Variants in IL1RAPL1 observed in about 807,000 individuals in gnomAD.
IL1RAPL1 encodes interleukin-1 receptor accessory protein-like 1.
A neutral mutation model predicts 48.4 loss-of-function variants in IL1RAPL1; 3 were observed. The ratio of observed to expected loss-of-function variants is 0.06; its 90% CI spans 0.03 to 0.16. The LOEUF is 0.16. IL1RAPL1 is among the 10% of genes least tolerant of loss of function. The pLI, the probability that IL1RAPL1 is intolerant of heterozygous loss-of-function variation, is 1.00. For synonymous variants in IL1RAPL1, 185 were observed against 187.7 expected, an observed-to-expected ratio of 0.99 and a Z score of 0.12; for missense variants, 349 against 530.6, an observed-to-expected ratio of 0.66 and a Z score of 3.36.
intron 1 of IL1RAPL1, among the ~76,000 whole-genome samples, chrX:28,720,258 A>C (rs1479580224): frequency 9.0e-6 from 1 of 111,200 alleles, no homozygotes; most frequent in African/African-American, 3.3e-5. Flanking sequence ...GCTGATGGCC[A>C]TCTCTGAGAT....
At chrX:28,760,633 G>T (rs896505048) in intron 1 of IL1RAPL1, among the ~76,000 whole-genome samples, 2 of 111,570 alleles carry the variant, frequency 1.8e-5, no homozygotes. Flanking sequence ...AAGTAAAAAT[G>T]TCTCTCTTCT....
intron 2 of IL1RAPL1, among the ~76,000 whole-genome samples, chrX:29,122,799 TA>T (rs1928822254): frequency 9.0e-6 from 1 of 110,520 alleles, no homozygotes; most frequent in Non-Finnish European, 1.9e-5. Flanking sequence ...ATTTCTGAAA[TA>T]AATAGTTCTT....
chrX:28,952,887 TAGC>T (rs1267518504), intron 2 of IL1RAPL1, among the ~76,000 whole-genome samples: 6 of 111,578 alleles, frequency 5.4e-5, no homozygotes, highest in Non-Finnish European at 7.6e-5. Flanking sequence ...ACAGACATAT[TAGC>T]AGGATAAAAC....
At chrX:29,777,403 G>A (rs1929223990) in intron 6 of IL1RAPL1, among the ~76,000 whole-genome samples, 1 of 112,031 alleles carries the variant, frequency 8.9e-6, no homozygotes, top group Non-Finnish European at 1.9e-5. Context: ...CTTTGTCATT[G>A]TCTATGTTGA....
At chrX:29,203,449 T>A (rs1930596744) in intron 2 of IL1RAPL1, among the ~76,000 whole-genome samples, 2 of 110,592 alleles carry the variant, frequency 1.8e-5, no homozygotes, top group Admixed American at 9.7e-5. Flanking sequence ...TACAAAAAAA[T>A]TATTTTTGGC....
At chrX:29,646,034 G>T (rs1925314767) in intron 5 of IL1RAPL1, among the ~76,000 whole-genome samples, 1 of 111,753 alleles carries the variant, frequency 8.9e-6, no homozygotes, top group Non-Finnish European at 1.9e-5. Context: ...TGACTACAAG[G>T]ACCAAAAATA....
chrX:29,428,831 C>T, intron 5 of IL1RAPL1, among the ~76,000 whole-genome samples: 1 of 111,576 alleles, frequency 9.0e-6, no homozygotes, highest in South Asian at 3.8e-4. Context: ...AGTTGGTTTA[C>T]CAAACCGTCA....
intron 2 of IL1RAPL1, among the ~76,000 whole-genome samples, chrX:29,086,143 T>C (rs1183246830): frequency 8.9e-6 from 1 of 112,290 alleles, no homozygotes; most frequent in Non-Finnish European, 1.9e-5. Context: ...TGCTAAGATA[T>C]TCATTTGAAG....
chrX:28,921,077 A>C (rs1923604391), intron 2 of IL1RAPL1, among the ~76,000 whole-genome samples: 2 of 111,216 alleles, frequency 1.8e-5, no homozygotes, highest in Admixed American at 1.9e-4. Flanking sequence ...TGAAGAGAAG[A>C]GCAGAAAGCT....
chrX:29,858,186 T>C (rs1480566238), intron 6 of IL1RAPL1, among the ~76,000 whole-genome samples: 1 of 111,720 alleles, frequency 9.0e-6, no homozygotes, highest in Non-Finnish European at 1.9e-5. Context: ...AGAAACACCC[T>C]TCTATGAGAA....
intron 2 of IL1RAPL1, among the ~76,000 whole-genome samples, chrX:29,236,639 G>A (rs1425789888): frequency 1.7e-5 from 1 of 60,334 alleles, no homozygotes; most frequent in Non-Finnish European, 3.1e-5. Context: ...TGCAAGCTCC[G>A]CCTCCTGGGT....
At chrX:29,744,703 AT>A (rs1928289174) in intron 6 of IL1RAPL1, among the ~76,000 whole-genome samples, 1 of 112,355 alleles carries the variant, frequency 8.9e-6, no homozygotes. Context: ...AATTTCAATT[AT>A]ATAATAAATA....
intron 1 of IL1RAPL1, among the ~76,000 whole-genome samples, chrX:28,651,622 T>C (rs1352585731): frequency 5.3e-5 from 6 of 112,525 alleles, no homozygotes; most frequent in Non-Finnish European, 1.9e-5. Context: ...TCTTTCACTA[T>C]GTTATAAAAT....
chrX:28,730,165 T>A (rs1464031153), intron 1 of IL1RAPL1, among the ~76,000 whole-genome samples: 2 of 111,782 alleles, frequency 1.8e-5, no homozygotes, highest in Non-Finnish European at 3.8e-5. Flanking sequence ...CTCTCTCATC[T>A]ATTCCTTGAA....
intron 2 of IL1RAPL1, among the ~76,000 whole-genome samples, chrX:29,252,438 A>T (rs1451680846): frequency 8.8e-6 from 1 of 114,075 alleles, no homozygotes; most frequent in African/African-American, 3.2e-5. Flanking sequence ...ATGTCTGGTT[A>T]AATACATTTT....
chrX:29,842,559 G>A (rs1931156579), intron 6 of IL1RAPL1, among the ~76,000 whole-genome samples: 1 of 112,638 alleles, frequency 8.9e-6, no homozygotes, highest in Non-Finnish European at 1.9e-5. Context: ...ATCTTGTAAA[G>A]AGGATTAAAA....
intron 1 of IL1RAPL1, among the ~76,000 whole-genome samples, chrX:28,744,721 C>A: frequency 9.0e-6 from 1 of 111,278 alleles, no homozygotes; most frequent in East Asian, 2.8e-4. Context: ...GAGAGATGGA[C>A]GCTGAGCACA....
At chrX:29,720,237 G>C (rs1927601457) in intron 6 of IL1RAPL1, among the ~76,000 whole-genome samples, 1 of 111,460 alleles carries the variant, frequency 9.0e-6, no homozygotes, top group African/African-American at 3.3e-5. Flanking sequence ...ATTTGACCCA[G>C]CAATCCCATT....
chrX:28,597,070 G>T (rs1328898467), intron 1 of IL1RAPL1, among the ~76,000 whole-genome samples: 1 of 111,082 alleles, frequency 9.0e-6, no homozygotes, highest in Admixed American at 9.6e-5. Flanking sequence ...CTGTAAGGAG[G>T]ACCAAATGGA....
Sources: allele counts gnomAD v4.1 joint callset (sites outside exome capture counted in the v4.1 genomes callset), GRCh38; gene constraint gnomAD v4.1.1; transcripts MANE v1.5; gene names NCBI Gene and HGNC (gene_info 2026-07-23, HGNC 2026-07-21).